The following NUP42 variants were observed in gnomAD, a reference collection of about 807,000 sequenced individuals.
NUP42 encodes nucleoporin NUP42.
NUP42 carries 47 observed loss-of-function variants against 35.9 expected under a neutral mutation model. That is an observed-to-expected ratio of 1.31 (90% CI 1.04 to 1.67). The LOEUF is 1.67. NUP42 is among the 40% of genes most tolerant of loss of function. The pLI, the probability that NUP42 is intolerant of heterozygous loss-of-function variation, is 0.00. For missense variants in NUP42, 514 were observed against 492.2 expected (o/e 1.04, Z -0.42); for synonymous variants, 173 against 173.3 (o/e 1.00, Z 0.01).
intron 3 of NUP42, chr7:23,188,221 T>C (rs567676849): frequency 8.0e-6 from 10 of 1,255,974 alleles, no homozygotes; most frequent in South Asian, 3.7e-5. Flanking sequence ...TCTGTGAGCA[T>C]TTGCATTACA....
intron 3 of NUP42, chr7:23,195,541 T>G (rs545007568): frequency 5.3e-5 from 12 of 226,198 alleles, no homozygotes; most frequent in African/African-American, 2.3e-5. Flanking sequence ...CTGGCAGAAT[T>G]TTTAAAATAA....
Position 23,185,068 on chromosome 7 carries a change from AG to A in NUP42, c.122del. 1 of 1,596,606 alleles carries A rather than the reference AG, an allele frequency of 6.3e-7. No individual in the cohort carries two copies. The highest frequency in any genetic ancestry group is 8.5e-7 in the Non-Finnish European group (1 of 1,172,440). On this transcript the variant is annotated splice_acceptor_variant, in intron 1 of 6. Transcript: ENST00000258742. LOFTEE classifies it high-confidence loss of function. ...ATTATTTTGTTTTATTGTTTATTTT[AG>A]GTAATAATAGACGTGGATGGAATAC...
At position 23,196,827 on chromosome 7, in the gene NUP42, A is replaced by G. The variant is rs1786028760; in HGVS notation, c.609+61A>G. 12 of 1,200,390 alleles carry G rather than the reference A, an allele frequency of 1.0e-5. No individual in the cohort carries two copies. In the East Asian group the frequency reaches 2.4e-4, roughly 24 times the overall value. The allele number at this position is 1,200,390 out of a possible 1,614,324, so 74.4% of individuals were successfully genotyped here. A position where few individuals can be genotyped will look rare whatever the true frequency, so the allele number is the denominator to read the frequency against. The stretch of plus-strand genomic sequence containing the variant: ...TACCTATTGCTTTTTTGCAGAGGAT[A>G]TTTTACTTTAGATTTGGAAAGCAAA... On this transcript the variant is annotated intron_variant, in intron 5 of 6. Coordinates refer to ENST00000258742, the MANE Select transcript of NUP42 (RefSeq NM_007342.3).
chr7:23,200,498 T>G lies in NUP42; in HGVS notation c.1025T>G (p.Val342Gly), dbSNP rs763270156. 2 of 1,614,138 alleles carry G rather than the reference T, an allele frequency of 1.2e-6. No homozygotes were observed. The highest frequency in any genetic ancestry group is 2.2e-5 in the South Asian group (2 of 91,074). ...CCAGCCTTTGGAGGTGGCAGTTCTGTGGCTGGTTTTGGTAGTCCGGGCTCA... is the reference window on the plus strand; with the variant it reads ...CCAGCCTTTGGAGGTGGCAGTTCTGGGGCTGGTTTTGGTAGTCCGGGCTCA... Reference protein sequence around the residue: ...VAPAFGGGSSVAGFGSPGSHS... With the variant: ...VAPAFGGGSSGAGFGSPGSHS... Residue 342 changes from valine to glycine, a missense_variant, in exon 7 of 7, where the codon GTG becomes GGG. Val to Gly is a moderately radical substitution (Grantham distance 109). Transcript: ENST00000258742.
At chr7:23,182,271 G>A (rs1785433337) in intron 1 of NUP42, 65 bp downstream of exon 1, 2 of 1,537,010 alleles carry the variant, frequency 1.3e-6, no homozygotes, top group African/African-American at 1.4e-5. Context: ...GGGACCGGGC[G>A]TCCCGCGTGT....
intron 1 of NUP42, among the ~76,000 whole-genome samples, chr7:23,183,635 A>G (rs1308469203): frequency 1.3e-5 from 2 of 152,060 alleles, no homozygotes; most frequent in African/African-American, 4.8e-5. Context: ...TCAGACCGAA[A>G]ATTAGGACTC....
chr7:23,200,887 T>A lies in NUP42; in HGVS notation c.*142T>A. On this transcript the variant is annotated 3_prime_UTR_variant, in exon 7 of 7. Coordinates refer to ENST00000258742, the MANE Select transcript of NUP42 (RefSeq NM_007342.3). The stretch of plus-strand genomic sequence containing the variant: ...AGTGATTTTAAATTTGATTTTTTTC[T>A]TAACTCTAAATATTTAAGTAAAAAG... 1 of 473,954 alleles carries A rather than the reference T, an allele frequency of 2.1e-6. No homozygotes were observed. The highest frequency in any genetic ancestry group is 3.4e-6 in the Non-Finnish European group (1 of 294,908). The allele number at this position is 473,954 out of a possible 1,614,324, so 29.4% of individuals were successfully genotyped here. A position where few individuals can be genotyped will look rare whatever the true frequency, so the allele number is the denominator to read the frequency against.
intron 1 of NUP42, chr7:23,182,428 C>T: frequency 4.4e-6 from 6 of 1,356,118 alleles, no homozygotes; most frequent in South Asian, 3.8e-5. Context: ...TGGGTTTGGG[C>T]CTGGATGCTT....
rs767581097 is a variant in NUP42, at chr7:23,182,289, T to C, written c.121+83T>C. ...ACCGGGCGTCCCGCGTGTTTCCCGC[T>C]GCTGGTGACCCCAACGTGCCCGCGT... On this transcript the variant is annotated intron_variant, in intron 1 of 6. Transcript: ENST00000258742. 13 of 1,527,634 alleles carry C rather than the reference T, an allele frequency of 8.5e-6. No individual in the cohort carries two copies. The African/African-American group carries it at 1.1e-4, about 13-fold the overall frequency. The allele number at this position is 1,527,634 out of a possible 1,614,324, so 94.6% of individuals were successfully genotyped here.
chr7:23,189,427 A>G (rs561313801), intron 3 of NUP42, among the ~76,000 whole-genome samples: 2 of 152,266 alleles, frequency 1.3e-5, no homozygotes, highest in South Asian at 4.2e-4. Context: ...CCACCTGGAC[A>G]ATATAGCAAG....
At position 23,200,582 on chromosome 7, in the gene NUP42, C is replaced by T; in HGVS notation, c.1109C>T (p.Ser370Phe). Reference protein sequence around the residue: ...SSDTFGNSSISTSLSASSSII... With the variant: ...SSDTFGNSSIFTSLSASSSII... ...GACACTTTTGGAAATAGCAGCATAT[C>T]CACTTCTCTGTCAGCCTCAAGCAGC... The change falls in exon 7 of 7, where the codon TCC becomes TTC. Residue 370 changes from serine (S) to phenylalanine (F), a missense_variant. Transcript: ENST00000258742. 1 of 1,614,144 alleles carries T rather than the reference C, an allele frequency of 6.2e-7. No individual in the cohort carries two copies. The highest frequency in any genetic ancestry group is 1.1e-5 in the South Asian group (1 of 91,058).
Position 23,195,908 on chromosome 7 carries a change from A to T in NUP42, c.515A>T (p.Gln172Leu). ...YHNFLTSNNL[Q>L]SYLNSVQRLI... is the part of the protein sequence containing the mutation. ...AACTTCTTAACCAGCAATAACTTAC[A>T]GAGTTATGTAAGTTTGTTTCCTATT... The change falls in exon 4 of 7, where the codon CAG (glutamine) becomes CTG (leucine). Residue 172 changes from glutamine (Q) to leucine (L), a missense_variant. Transcript: ENST00000258742. 1 of 1,585,886 alleles carries T rather than the reference A, an allele frequency of 6.3e-7. No individual in the cohort carries two copies. Among genetic ancestry groups the T allele is most frequent in the East Asian group, 2.3e-5 (1 of 44,308 alleles).
At chr7:23,187,926 AATATTCTCT>A in intron 3 of NUP42, 2 of 535,216 alleles carry the variant, frequency 3.7e-6, no homozygotes, top group East Asian at 3.4e-5. Flanking sequence ...TTTGCTTTAG[AATATTCTCT>A]GTCTCTCTCT....
chr7:23,193,795 G>A (rs888366006), intron 3 of NUP42, among the ~76,000 whole-genome samples: 14 of 152,220 alleles, frequency 9.2e-5, no homozygotes, highest in Non-Finnish European at 1.8e-4. Context: ...GGCGCTCCTC[G>A]TGGAGGCTCA....
At chr7:23,188,481 C>T in intron 3 of NUP42, 1 of 985,342 alleles carries the variant, frequency 1.0e-6, no homozygotes, top group Non-Finnish European at 1.2e-6. Context: ...AGTATTAATC[C>T]ATTCCAAATT....
At chr7:23,183,369 G>T (rs1017910674) in intron 1 of NUP42, among the ~76,000 whole-genome samples, 1 of 152,024 alleles carries the variant, frequency 6.6e-6, no homozygotes, top group Admixed American at 6.5e-5. Flanking sequence ...ACGGGTGCCC[G>T]CCACCATGCC....
rs1396600966 is a variant in NUP42 at position 23,188,619 on chromosome 7, A to G, written c.445+1473A>G. On this transcript the variant is annotated intron_variant, in intron 3 of 6. Transcript: ENST00000258742. ...GATAAACAGTGTTTTTAGTATGTGT[A>G]CATGCCATGTAATATTTGGGGCACA... 3 of 774,504 alleles carry G rather than the reference A, an allele frequency of 3.9e-6. No homozygotes were observed. In the Admixed American group the frequency reaches 1.9e-4, roughly 48 times the overall value. The allele number at this position is 774,504 out of a possible 1,614,324, so 48.0% of individuals were successfully genotyped here. A position where few individuals can be genotyped will look rare whatever the true frequency, so the allele number is the denominator to read the frequency against.
intron 5 of NUP42, 117 bp downstream of exon 5, chr7:23,196,883 A>C (rs1786031043): frequency 1.5e-6 from 1 of 688,112 alleles, no homozygotes; most frequent in Non-Finnish European, 2.5e-6. Flanking sequence ...ATTATGATAC[A>C]CACATTCCCA....
intron 3 of NUP42, among the ~76,000 whole-genome samples, chr7:23,189,011 C>T (rs1223533557): frequency 1.3e-5 from 2 of 152,166 alleles, no homozygotes; most frequent in Non-Finnish European, 2.9e-5. Context: ...TGAGTACGCA[C>T]CTTTTTAGTA....
Sources: gnomAD v4.1 joint callset for allele counts (sites outside exome capture counted in the v4.1 genomes callset) on GRCh38, gnomAD v4.1.1 for gene constraint, MANE v1.5 for transcripts, NCBI Gene and HGNC (gene_info 2026-07-23, HGNC 2026-07-21) for gene names.